The following PPM1E variants were observed in gnomAD, a reference collection of about 807,000 sequenced individuals.
PPM1E encodes the protein protein phosphatase 1E.
A neutral mutation model predicts 65.9 loss-of-function variants in PPM1E; 20 were observed. That is an observed-to-expected ratio of 0.30 (90% confidence interval 0.21 to 0.44). The LOEUF (loss-of-function observed/expected upper bound fraction) is 0.44. Among genes scored for constraint, PPM1E ranks in the 20% least tolerant of loss-of-function variants. The probability of loss-of-function intolerance (pLI) is 1.00; values close to 1 mark genes in which losing one functional copy is unlikely to be tolerated. For missense variants in PPM1E, 713 were observed against 953.1 expected, an observed-to-expected ratio of 0.75 and a Z score of 3.32; for synonymous variants, 352 against 374.9, an observed-to-expected ratio of 0.94 and a Z score of 0.70.
intron 1 of PPM1E, among the ~76,000 whole-genome samples, chr17:58,830,548 C>T (rs1327155298): frequency 2.0e-5 from 3 of 151,762 alleles, no homozygotes; most frequent in South Asian, 2.1e-4. Flanking sequence ...CCTTGTGATC[C>T]GCCCACCTCG....
At chr17:58,974,938 G>A (rs1421893512) in intron 6 of PPM1E, among the ~76,000 whole-genome samples, 1 of 152,072 alleles carries the variant, frequency 6.6e-6, no homozygotes, top group Non-Finnish European at 1.5e-5. Flanking sequence ...TAGACTGGAG[G>A]GAATTATTAG....
chr17:58,809,585 T>C (rs936583405), intron 1 of PPM1E, among the ~76,000 whole-genome samples: 4 of 152,122 alleles, frequency 2.6e-5, no homozygotes, highest in Non-Finnish European at 5.9e-5. Context: ...GGTCTTACTA[T>C]GTTTCCCAGA....
At chr17:58,839,233 G>T (rs572060914) in intron 1 of PPM1E, among the ~76,000 whole-genome samples, 1 of 152,176 alleles carries the variant, frequency 6.6e-6, no homozygotes, top group Non-Finnish European at 1.5e-5. Flanking sequence ...TACTTGGGAG[G>T]CTGAGGTAAG....
In PPM1E at chr17:58,756,400, A is replaced by G; in HGVS notation, c.403A>G (p.Ile135Val). The G allele has an allele frequency of 7.3e-7, 1 of 1,361,476 alleles. No homozygotes were observed. Among genetic ancestry groups the G allele is most frequent in the Non-Finnish European group, 9.4e-7 (1 of 1,060,516 alleles). 84.3% of individuals were successfully genotyped at this position (1,361,476 alleles called of 1,614,324 possible). A position where few individuals can be genotyped will look rare whatever the true frequency, so the allele number is the denominator to read the frequency against. Residue 135 changes from isoleucine to valine, a missense_variant, in exon 1 of 7, where the codon ATC becomes GTC. Coordinates refer to ENST00000308249, the MANE Select transcript of PPM1E (RefSeq NM_014906.5). ...GCTCCCGCGACCGCTGTCAGAGCGCATCACCCGCGAGGAGGTGGAGGGCGA... is the reference window on the plus strand; with the variant it reads ...GCTCCCGCGACCGCTGTCAGAGCGCGTCACCCGCGAGGAGGTGGAGGGCGA... Reference protein sequence around the residue: ...PPLPRPLSERITREEVEGESL... With the variant: ...PPLPRPLSERVTREEVEGESL...
chr17:58,814,749 A>T (rs1400529353), intron 1 of PPM1E, among the ~76,000 whole-genome samples: 1 of 152,248 alleles, frequency 6.6e-6, no homozygotes, highest in Non-Finnish European at 1.5e-5. Context: ...ACACCAACTC[A>T]ACCTTGCTGT....
At chr17:58,857,792 T>C (rs1311713012) in intron 1 of PPM1E, among the ~76,000 whole-genome samples, 1 of 152,130 alleles carries the variant, frequency 6.6e-6, no homozygotes, top group African/African-American at 2.4e-5. Context: ...TTCAATTCTC[T>C]AGCCACCTAT....
intron 1 of PPM1E, among the ~76,000 whole-genome samples, chr17:58,910,046 G>T (rs1254716792): frequency 1.3e-5 from 2 of 150,216 alleles, no homozygotes; most frequent in Non-Finnish European, 3.0e-5. Flanking sequence ...GGGATTATAG[G>T]TGCCCGCCAC....
At chr17:58,816,546 A>G (rs2050416414) in intron 1 of PPM1E, among the ~76,000 whole-genome samples, 1 of 150,174 alleles carries the variant, frequency 6.7e-6, no homozygotes, top group Non-Finnish European at 1.5e-5. Context: ...ATAACTTTCC[A>G]TTTCTTCCTT....
chr17:58,884,498 A>T (rs2051242767), intron 1 of PPM1E, among the ~76,000 whole-genome samples: 1 of 151,600 alleles, frequency 6.6e-6, no homozygotes. Flanking sequence ...ATCCTTTGGG[A>T]TTATGTATTT....
intron 1 of PPM1E, among the ~76,000 whole-genome samples, chr17:58,772,558 T>G (rs1453094220): frequency 6.6e-6 from 1 of 151,806 alleles, no homozygotes; most frequent in Non-Finnish European, 1.5e-5. Context: ...TTAAATTAGG[T>G]TTAGAAGACT....
At position 58,766,245 on chromosome 17, in the gene PPM1E, A is replaced by G. The variant is rs546134824; in HGVS notation, c.464+9784A>G. On this transcript the variant is annotated intron_variant, in intron 1 of 6. Coordinates refer to ENST00000308249, the MANE Select transcript of PPM1E (RefSeq NM_014906.5). ...GAGATGGAGTCTCGCTCTGCTGCCCAGGCTGGAGTGCAGTGGCACGATCTC... is the reference window on the plus strand; with the variant it reads ...GAGATGGAGTCTCGCTCTGCTGCCCGGGCTGGAGTGCAGTGGCACGATCTC... 3.7e-3 allele frequency among the ~76,000 whole-genome samples: 433 copies of G among 116,998 alleles called. 5 individuals are homozygous for G. Among genetic ancestry groups the G allele is most frequent in the Admixed American group, 7.1e-3 (56 of 7,924 alleles). 76.8% of individuals were successfully genotyped at this position (116,998 alleles called of 152,430 possible). A position where few individuals can be genotyped will look rare whatever the true frequency, so the allele number is the denominator to read the frequency against.
intron 1 of PPM1E, among the ~76,000 whole-genome samples, chr17:58,798,518 C>T (rs1298887361): frequency 1.3e-5 from 2 of 148,610 alleles, no homozygotes; most frequent in Admixed American, 1.3e-4. Context: ...CCACCGCACA[C>T]GGCCCTATTT....
chr17:58,790,414 G>A (rs930691065), intron 1 of PPM1E, among the ~76,000 whole-genome samples: 3 of 152,062 alleles, frequency 2.0e-5, no homozygotes, highest in African/African-American at 7.2e-5. Flanking sequence ...CAAATACATG[G>A]CCAGTTATGA....
At chr17:58,777,853 A>G (rs78553360) in intron 1 of PPM1E, among the ~76,000 whole-genome samples, 1,706 of 152,350 alleles carry the variant, frequency 0.011, 21 homozygotes, top group Non-Finnish European at 0.016. Context: ...GAAGGTTTTC[A>G]GAAAGTACTT....
In PPM1E at chr17:58,980,526, C is replaced by A. The variant is rs1038678844; in HGVS notation, c.1763C>A (p.Pro588Gln). 15 of 1,614,092 alleles carry A rather than the reference C, an allele frequency of 9.3e-6. No individual in the cohort carries two copies. The highest frequency in any genetic ancestry group is 1.3e-5 in the Non-Finnish European group (15 of 1,180,016). The change falls in exon 7 of 7, where the codon CCA (proline) becomes CAA (glutamine). Residue 588 changes from proline to glutamine, a missense_variant. This residue lies in a region of PPM1E where 286 missense variants were observed against 313.8 expected (regional missense o/e 0.91). Transcript: ENST00000308249. This position sits in a 1 kb window ranked among gnomAD's most constrained non-coding sequence, Gnocchi z 4.7. ...SKPHSAQFLL[P>Q]VEMFGPGAPK... Reference sequence around the variant, plus strand: ...CCTCACAGTGCCCAGTTTTTGCTACCAGTTGAGATGTTTGGTCCTGGTGCA... The same window carrying A: ...CCTCACAGTGCCCAGTTTTTGCTACAAGTTGAGATGTTTGGTCCTGGTGCA...
Position 58,805,965 on chromosome 17 carries a change from AAAAAAAAACAAAAAAAAAACAAAAC to A in PPM1E, c.464+49509_464+49533del, listed in dbSNP as rs2050304454. Among the ~76,000 whole-genome samples, 2 of 112,450 alleles carry A rather than the reference AAAAAAAAACAAAAAAAAAACAAAAC, an allele frequency of 1.8e-5. 1 individual carries two copies. The highest frequency in any genetic ancestry group is 8.4e-5 in the African/African-American group (2 of 23,828). The allele number at this position is 112,450 out of a possible 152,430, so 73.8% of individuals were successfully genotyped here. ...CTGTTCTGCTAAAAAAAAAAACAAA[AAAAAAAAACAAAAAAAAAACAAAAC>A]AAAACAAAACAAAAAAAAAACTATA... is the stretch of plus-strand genomic sequence containing the variant. On this transcript the variant is annotated intron_variant, in intron 1 of 6. Coordinates refer to ENST00000308249, the MANE Select transcript of PPM1E (RefSeq NM_014906.5).
At chr17:58,902,963 A>ATC (rs1237156027) in intron 1 of PPM1E, among the ~76,000 whole-genome samples, 1 of 152,198 alleles carries the variant, frequency 6.6e-6, no homozygotes, top group African/African-American at 2.4e-5. Flanking sequence ...ACCTGGTAAA[A>ATC]TATAGATTCA....
At chr17:58,765,766 T>G (rs1237724571) in intron 1 of PPM1E, among the ~76,000 whole-genome samples, 1 of 152,104 alleles carries the variant, frequency 6.6e-6, no homozygotes, top group Non-Finnish European at 1.5e-5. Flanking sequence ...TCCATAATGA[T>G]TTATAAGATC....
intron 1 of PPM1E, among the ~76,000 whole-genome samples, chr17:58,775,366 A>T (rs1033556353): frequency 2.0e-4 from 30 of 152,158 alleles, no homozygotes; most frequent in Non-Finnish European, 4.3e-4. Context: ...AGTAGCTAGG[A>T]TATGAGCCAG....
Sources: gnomAD v4.1 joint callset for allele counts (sites outside exome capture counted in the v4.1 genomes callset) on GRCh38, gnomAD v4.1.1 for gene constraint, gnomAD v4.1.1 regional missense constraint, Gnocchi (gnomAD v3.1) non-coding constraint, MANE v1.5 for transcripts, NCBI Gene and HGNC (gene_info 2026-07-23, HGNC 2026-07-21) for gene names.